The following BCAS3 variants were observed in gnomAD, a reference collection of about 807,000 sequenced individuals.
BCAS3 encodes BCAS3 microtubule associated cell migration factor.
Under a neutral mutation model 116.1 loss-of-function variants are expected in BCAS3, and 53 were observed. The ratio of observed to expected loss-of-function variants is 0.46; its 90% CI spans 0.37 to 0.57. The LOEUF is 0.57. BCAS3 is among the 20% of genes least tolerant of loss of function. The probability of loss-of-function intolerance (pLI) is 0.00; values close to 1 mark genes in which losing one functional copy is unlikely to be tolerated. For missense variants in BCAS3, 917 were observed against 1,165.4 expected (o/e 0.79, Z 3.10); for synonymous variants, 391 against 408.2 (o/e 0.96, Z 0.51).
At chr17:60,797,748 T>C (rs370560259) in intron 6 of BCAS3, among the ~76,000 whole-genome samples, 8 of 152,194 alleles carry the variant, frequency 5.3e-5, no homozygotes, top group African/African-American at 1.9e-4. Context: ...GTGTTCTCAC[T>C]GTTCAACTCA....
chr17:61,014,874 A>G (rs2145529118), intron 15 of BCAS3, among the ~76,000 whole-genome samples: 1 of 152,320 alleles, frequency 6.6e-6, no homozygotes, highest in South Asian at 2.1e-4. Context: ...TAAGAAAACA[A>G]TTCCATTTTC....
chr17:60,836,238 G>C (rs925497607), intron 7 of BCAS3, among the ~76,000 whole-genome samples: 4 of 152,122 alleles, frequency 2.6e-5, no homozygotes, highest in African/African-American at 9.7e-5. Context: ...CACTCTTGGT[G>C]TTATACATTC....
intron 22 of BCAS3, among the ~76,000 whole-genome samples, chr17:61,143,326 C>T (rs1483340789): frequency 6.6e-6 from 1 of 152,160 alleles, no homozygotes; most frequent in Middle Eastern, 3.2e-3. Flanking sequence ...AAATACCATA[C>T]TTTAATATCA....
At chr17:60,805,788 T>C (rs573454177) in intron 6 of BCAS3, among the ~76,000 whole-genome samples, 47 of 149,860 alleles carry the variant, frequency 3.1e-4, no homozygotes, top group Admixed American at 6.0e-4. Context: ...AGATCTGCCA[T>C]GGCACTCCAG....
At chr17:60,739,832 A>G (rs905351414) in intron 5 of BCAS3, among the ~76,000 whole-genome samples, 2 of 151,896 alleles carry the variant, frequency 1.3e-5, no homozygotes, top group South Asian at 4.1e-4. Context: ...TTGTTTTTGA[A>G]GGATGAGTTT....
At chr17:60,952,198 AC>A (rs1375606622) in intron 14 of BCAS3, among the ~76,000 whole-genome samples, 2 of 152,080 alleles carry the variant, frequency 1.3e-5, no homozygotes, top group East Asian at 3.8e-4. Context: ...TCTTGTTGCT[AC>A]AGTTTAGAAA....
At chr17:61,330,531 G>A (rs191581549) in intron 22 of BCAS3, among the ~76,000 whole-genome samples, 48 of 152,328 alleles carry the variant, frequency 3.2e-4, no homozygotes, top group Middle Eastern at 6.8e-3. Flanking sequence ...AAGGTTTTAT[G>A]AAAGAGGTCA....
rs142114188 is a variant in BCAS3 at position 61,179,701 on chromosome 17, A to G, written c.2425+95137A>G. ...GGTGGTATTAGTGGCATTTTGCCCA[A>G]CATTGGCTTTAGGGAAATCATTCTA... is the stretch of plus-strand genomic sequence containing the variant. On this transcript the variant is annotated intron_variant, in intron 22 of 23. Transcript: ENST00000407086. 3.1e-3 allele frequency among the ~76,000 whole-genome samples: 475 copies of G among 152,304 alleles called. 2 individuals carry two copies. The highest frequency in any genetic ancestry group is 5.1e-3 in the Non-Finnish European group (350 of 68,032).
chr17:60,926,712 A>G (rs919520667), intron 13 of BCAS3, among the ~76,000 whole-genome samples: 2 of 152,146 alleles, frequency 1.3e-5, no homozygotes, highest in Non-Finnish European at 2.9e-5. Context: ...GTGTTAGTGT[A>G]TATTTCATAT....
At chr17:60,981,841 G>A (rs778193359) in intron 14 of BCAS3, among the ~76,000 whole-genome samples, 1 of 152,226 alleles carries the variant, frequency 6.6e-6, no homozygotes, top group East Asian at 1.9e-4. Context: ...CATATAGCTT[G>A]TAAGTAGTAG....
At chr17:60,679,343 A>T in intron 1 of BCAS3, 110 bp from the exon 2 acceptor site, 1 of 685,058 alleles carries the variant, frequency 1.5e-6, no homozygotes, top group Non-Finnish European at 2.4e-6. Context: ...CCTACATTTG[A>T]GGCATTTTTG....
chr17:61,264,518 A>G (rs1439000934), intron 22 of BCAS3, among the ~76,000 whole-genome samples: 1 of 151,062 alleles, frequency 6.6e-6, no homozygotes, highest in East Asian at 1.9e-4. Context: ...AGTGATTCTC[A>G]TGTCTCAGCC....
intron 22 of BCAS3, among the ~76,000 whole-genome samples, chr17:61,096,599 C>T (rs369148176): frequency 6.6e-6 from 1 of 152,248 alleles, no homozygotes; most frequent in South Asian, 2.1e-4. Flanking sequence ...TTTCCAAATT[C>T]GTTTATTCAT....
At chr17:61,269,802 C>CT (rs775560445) in intron 22 of BCAS3, among the ~76,000 whole-genome samples, 3,895 of 139,736 alleles carry the variant, frequency 0.028, 57 homozygotes, top group Middle Eastern at 0.06. Flanking sequence ...TTCTTTCTTT[C>CT]TTTTTTTTTT....
intron 22 of BCAS3, among the ~76,000 whole-genome samples, chr17:61,177,339 T>A (rs942252476): frequency 2.0e-5 from 3 of 152,310 alleles, no homozygotes; most frequent in South Asian, 4.1e-4. Context: ...AGAAACGAAT[T>A]GGTATTTATC....
chr17:61,225,399 T>C (rs1045242136), intron 22 of BCAS3, among the ~76,000 whole-genome samples: 1 of 152,126 alleles, frequency 6.6e-6, no homozygotes, highest in Non-Finnish European at 1.5e-5. Flanking sequence ...ATGTCAAAGG[T>C]CATGAACTTG....
chr17:61,372,065 C>G (rs1277923623), intron 23 of BCAS3, among the ~76,000 whole-genome samples: 1 of 152,218 alleles, frequency 6.6e-6, no homozygotes, highest in Non-Finnish European at 1.5e-5. Context: ...TCGGCAAACT[C>G]CAATTCGAGC....
At chr17:61,308,140 C>T (rs1327920189) in intron 22 of BCAS3, among the ~76,000 whole-genome samples, 1 of 143,902 alleles carries the variant, frequency 6.9e-6, no homozygotes, top group Non-Finnish European at 1.5e-5. Context: ...TAAACAACAG[C>T]ATGGGCACAA....
Position 61,077,952 on chromosome 17 carries a change from A to C in BCAS3, c.2131-381A>C, listed in dbSNP as rs1334127294. ...GTAGTATTCAGTGCATGCCCACAAC[A>C]TGGTAAGTACTGTCTAGAATGAATG... On this transcript the variant is annotated intron_variant, in intron 20 of 23. Transcript: ENST00000407086. The surrounding 1 kb of genome is among the most constrained non-coding windows in gnomAD (Gnocchi z 4.3). Among the ~76,000 whole-genome samples the C allele has an allele frequency of 6.6e-6, 1 of 152,158 alleles. No homozygotes were observed. The highest frequency in any genetic ancestry group is 1.5e-5 in the Non-Finnish European group (1 of 68,030).
Sources: allele counts gnomAD v4.1 joint callset (sites outside exome capture counted in the v4.1 genomes callset), GRCh38; gene constraint gnomAD v4.1.1; non-coding constraint Gnocchi (gnomAD v3.1); transcripts MANE v1.5; gene names NCBI Gene and HGNC (gene_info 2026-07-23, HGNC 2026-07-21).